MYOF: variants seen among roughly 807,000 people sequenced by gnomAD.
MYOF encodes the protein myoferlin.
Under a neutral mutation model 284.2 loss-of-function variants are expected in MYOF, and 244 were observed. The ratio of observed to expected loss-of-function variants is 0.86; its 90% CI spans 0.77 to 0.95. MYOF has a LOEUF of 0.95. Among genes scored for constraint, MYOF ranks in the 40% least tolerant of loss-of-function variants. MYOF has a pLI of 0.00. For missense variants in MYOF, 2,496 were observed against 2,560.6 expected (o/e 0.97, Z 0.54); for synonymous variants, 904 against 919.7 (o/e 0.98, Z 0.31).
chr10:93,340,857 T>G (rs1843866980), intron 38 of MYOF, among the ~76,000 whole-genome samples: 1 of 152,144 alleles, frequency 6.6e-6, no homozygotes, highest in Non-Finnish European at 1.5e-5. Context: ...GGTTCTGGTA[T>G]CTGTTAGAGC....
Position 93,374,954 on chromosome 10 carries a change from A to G in MYOF, c.2110T>C (p.Tyr704His). Residue 704 changes from tyrosine (Y) to histidine (H), a missense_variant and splice_region_variant, in exon 23 of 54, where the codon TAC becomes CAC. Around this residue, in one of 3 missense-constraint regions of MYOF, gnomAD observed 2,436 missense variants for 2,480.7 expected, o/e 0.98. Coordinates refer to ENST00000359263, the MANE Select transcript of MYOF (RefSeq NM_013451.4). ...TTTCCTTCTGTGAGAGGCAACGTGT[A>G]TCTAGAAAAATGAAGAAAAAAAGAA... ...LIDEVIEDTR[Y>H]TLPLTEGKAN... 1.2e-6 allele frequency: 2 copies of G among 1,605,928 alleles called. No homozygotes were observed. The highest frequency in any genetic ancestry group is 1.7e-6 in the Non-Finnish European group (2 of 1,177,686).
At chr10:93,370,091 G>T (rs537430956) in intron 24 of MYOF, among the ~76,000 whole-genome samples, 1 of 152,218 alleles carries the variant, frequency 6.6e-6, no homozygotes, top group African/African-American at 2.4e-5. Context: ...CACTTGCACT[G>T]GTGGTGCAAA....
chr10:93,430,026 C>A (rs907758603), intron 4 of MYOF, among the ~76,000 whole-genome samples: 3 of 151,682 alleles, frequency 2.0e-5, no homozygotes, highest in African/African-American at 7.3e-5. Flanking sequence ...CCTCGGCCTC[C>A]TGGATTCGAG....
intron 15 of MYOF, 48 bp from the exon 16 acceptor site, chr10:93,396,272 C>G: frequency 1.5e-6 from 2 of 1,328,686 alleles, no homozygotes; most frequent in Non-Finnish European, 2.1e-6. Context: ...AGGTTCAGAG[C>G]TCCATCTAGG....
At chr10:93,378,260 C>G (rs1437445719) in intron 21 of MYOF, among the ~76,000 whole-genome samples, 1 of 152,124 alleles carries the variant, frequency 6.6e-6, no homozygotes, top group Non-Finnish European at 1.5e-5. Context: ...ACCATCCTGT[C>G]CAGATTAGGC....
chr10:93,364,671 A>G (rs535854847), intron 26 of MYOF, among the ~76,000 whole-genome samples: 1 of 152,318 alleles, frequency 6.6e-6, no homozygotes, highest in East Asian at 1.9e-4. Context: ...ACTCTCTGCC[A>G]TGTTAATTTT....
Position 93,371,855 on chromosome 10 carries a change from T to G in MYOF, c.2457+1075A>C, listed in dbSNP as rs1279948876. On this transcript the variant is annotated intron_variant, in intron 24 of 53. Transcript: ENST00000359263. ...TATACAAAACATTCTCTTAAAAGCA[T>G]TTTGCTGTTTATCCACTAACTTCTA... is the stretch of plus-strand genomic sequence containing the variant. 2.0e-5 allele frequency among the ~76,000 whole-genome samples: 3 copies of G among 152,240 alleles called. No homozygotes were observed. The East Asian group carries it at 5.8e-4, about 29-fold the overall frequency.
chr10:93,444,540 A>T (rs998137328), intron 3 of MYOF, among the ~76,000 whole-genome samples: 1 of 152,160 alleles, frequency 6.6e-6, no homozygotes, highest in Non-Finnish European at 1.5e-5. Flanking sequence ...GCTCCCTAAT[A>T]AGAAGGGCTT....
Position 93,351,441 on chromosome 10 carries a change from A to G in MYOF, c.3794T>C (p.Val1265Ala). 2 of 1,614,246 alleles carry G rather than the reference A, an allele frequency of 1.2e-6. No individual in the cohort carries two copies. The highest frequency in any genetic ancestry group is 2.2e-5 in the South Asian group (2 of 91,080). ...GCCCCTCAGAATCAGCTCTGCAGTTACAAGAACATCCCCGCAGGCTTTGTC... is the reference window on the plus strand; with the variant it reads ...GCCCCTCAGAATCAGCTCTGCAGTTGCAAGAACATCCCCGCAGGCTTTGTC... ...NGDKACGDVL[V>A]TAELILRGKD... Residue 1265 changes from valine to alanine, a missense_variant, in exon 34 of 54, where the codon GTA becomes GCA. Around this residue, in one of 3 missense-constraint regions of MYOF, gnomAD observed 2,436 missense variants for 2,480.7 expected, o/e 0.98. Coordinates refer to ENST00000359263, the MANE Select transcript of MYOF (RefSeq NM_013451.4).
At chr10:93,392,812 G>A (rs1846762153) in intron 17 of MYOF, 105 bp downstream of exon 17, 6 of 1,043,658 alleles carry the variant, frequency 5.7e-6, no homozygotes, top group Non-Finnish European at 5.8e-6. Context: ...ACTATGTTGA[G>A]ACAGCAAAAT....
At chr10:93,341,912 C>CA (rs1377311060) in intron 38 of MYOF, 1 of 1,289,708 alleles carries the variant, frequency 7.8e-7, no homozygotes, top group Admixed American at 2.3e-5. Flanking sequence ...ATCATACATA[C>CA]ATGCACTGTC....
intron 1 of MYOF, among the ~76,000 whole-genome samples, chr10:93,476,176 C>T (rs17391661): frequency 0.2 from 29,642 of 150,970 alleles, 3,412 homozygotes; most frequent in Middle Eastern, 0.28. Flanking sequence ...CTGTGGGGAA[C>T]GCACCAAGTG....
chr10:93,381,626 C>G (rs1452635656), intron 19 of MYOF, among the ~76,000 whole-genome samples: 7 of 152,168 alleles, frequency 4.6e-5, no homozygotes, highest in Non-Finnish European at 8.8e-5. Context: ...GAAATGAAAA[C>G]AGTACACAAG....
chr10:93,343,872 G>A lies in MYOF; in HGVS notation c.4310C>T (p.Pro1437Leu), dbSNP rs768265947. The change falls in exon 38 of 54, where the codon CCA (proline) becomes CTA (leucine). Residue 1437 changes from proline (P) to leucine (L), a missense_variant. This residue lies in a region of MYOF where 2,436 missense variants were observed against 2,480.7 expected (regional missense o/e 0.98). Transcript: ENST00000359263. ...GAAGCCTACCTTAGAAGCCAGTAATGGTTTGGTGTCTTCCATTTCGATAAC... is the reference window on the plus strand; with the variant it reads ...GAAGCCTACCTTAGAAGCCAGTAATAGTTTGGTGTCTTCCATTTCGATAAC... ...DIVIEMEDTKPLLASKLTEKE... is the reference protein window; with the variant it reads ...DIVIEMEDTKLLLASKLTEKE... The A allele has an allele frequency of 6.2e-7, 1 of 1,614,178 alleles. No homozygotes were observed. Among genetic ancestry groups the A allele is most frequent in the South Asian group, 1.1e-5 (1 of 91,076 alleles).
chr10:93,373,311 A>C (rs1023995188), intron 23 of MYOF, among the ~76,000 whole-genome samples: 1 of 152,194 alleles, frequency 6.6e-6, no homozygotes, highest in Non-Finnish European at 1.5e-5. Flanking sequence ...CGAGAAGCAG[A>C]GGCGCAGCTT....
intron 1 of MYOF, among the ~76,000 whole-genome samples, chr10:93,481,039 G>A (rs7900259): frequency 0.95 from 144,840 of 152,052 alleles, 69,389 homozygotes; most frequent in East Asian, 1. Flanking sequence ...TGAGTTGGCA[G>A]TCTTACCAAT....
chr10:93,397,483 A>G, intron 13 of MYOF, 27 bp from the exon 14 acceptor site: 2 of 1,556,272 alleles, frequency 1.3e-6, no homozygotes, highest in Non-Finnish European at 1.7e-6. Context: ...GCAAAAGTGT[A>G]GGTTTTCAAG....
At chr10:93,415,961 A>G (rs7085064) in intron 5 of MYOF, among the ~76,000 whole-genome samples, 7,243 of 152,134 alleles carry the variant, frequency 0.048, 564 homozygotes, top group African/African-American at 0.16. Context: ...ATTTTTACTC[A>G]CATTCTTCAC....
chr10:93,354,271 A>C (rs1844678783), intron 31 of MYOF, among the ~76,000 whole-genome samples: 1 of 152,140 alleles, frequency 6.6e-6, no homozygotes, highest in African/African-American at 2.4e-5. Context: ...CTAGCTACTC[A>C]GGAGGCTGAG....
Sources: allele counts gnomAD v4.1 joint callset (sites outside exome capture counted in the v4.1 genomes callset), GRCh38; gene constraint gnomAD v4.1.1; regional missense constraint gnomAD v4.1.1; transcripts MANE v1.5; gene names NCBI Gene and HGNC (gene_info 2026-07-23, HGNC 2026-07-21).